The following SLC26A9 variants were observed in gnomAD, a reference collection of about 807,000 sequenced individuals.
The protein encoded by SLC26A9 is solute carrier family 26 member 9, also known as anion transporter/exchanger protein 9.
SLC26A9 carries 46 observed loss-of-function variants against 87.1 expected under a neutral mutation model. That is an observed-to-expected ratio of 0.53 (90% CI 0.42 to 0.67). The LOEUF is 0.67. Among genes scored for constraint, SLC26A9 ranks in the 30% least tolerant of loss-of-function variants. SLC26A9 has a pLI of 0.00. For missense variants in SLC26A9, 927 were observed against 1,018.3 expected (o/e 0.91, Z 1.22); for synonymous variants, 437 against 409.1 (o/e 1.07, Z -0.82).
At position 205,920,296 on chromosome 1, in the gene SLC26A9, T is replaced by G; in HGVS notation, c.2056-66A>C. On this transcript the variant is annotated intron_variant, in intron 17 of 20. Transcript: ENST00000367135. The stretch of plus-strand genomic sequence containing the variant: ...TGTTCTGAGTGGGTCTCAAAAGTGA[T>G]TCACAAAACGTACTTCAGAGGGGAA... The G allele has an allele frequency of 3.1e-6, 5 of 1,597,730 alleles. 1 individual carries two copies. The highest frequency in any genetic ancestry group is 3.3e-4 in the Middle Eastern group (2 of 6,022).
chr1:205,921,999 G>A, intron 16 of SLC26A9, 152 bp from the exon 17 acceptor site: 2 of 1,099,886 alleles, frequency 1.8e-6, no homozygotes, highest in East Asian at 2.6e-5. Flanking sequence ...CACCAGAGAG[G>A]CCTCTCCCAA....
chr1:205,925,031 C>T (rs1264045504), intron 12 of SLC26A9, among the ~76,000 whole-genome samples: 3 of 152,210 alleles, frequency 2.0e-5, no homozygotes, highest in Non-Finnish European at 4.4e-5. Context: ...TGACTTCAAG[C>T]GATCCTCCTG....
At chr1:205,924,548 T>A in intron 12 of SLC26A9, 59 bp from the exon 13 acceptor site, 7 of 1,491,040 alleles carry the variant, frequency 4.7e-6, no homozygotes, top group African/African-American at 1.4e-5. Flanking sequence ...TTTCAGGAAG[T>A]CTTCCTGGAT....
chr1:205,916,280 AG>A (rs1202310305), intron 20 of SLC26A9, among the ~76,000 whole-genome samples: 2 of 152,166 alleles, frequency 1.3e-5, no homozygotes, highest in African/African-American at 2.4e-5. Flanking sequence ...TGCTTTTAGT[AG>A]AGACGGGGTT....
At chr1:205,939,554 G>A (rs1659652303) in intron 1 of SLC26A9, among the ~76,000 whole-genome samples, 1 of 152,156 alleles carries the variant, frequency 6.6e-6, no homozygotes, top group African/African-American at 2.4e-5. Context: ...GGGTTGAGGT[G>A]GGGTGGGACG....
intron 7 of SLC26A9, 70 bp from the exon 8 acceptor site, chr1:205,928,979 C>A: frequency 6.4e-7 from 1 of 1,570,750 alleles, no homozygotes; most frequent in Admixed American, 1.7e-5. Flanking sequence ...TCTCTCAAGT[C>A]TCCCTTTTCT....
At chr1:205,918,740 T>C in intron 19 of SLC26A9, 100 bp downstream of exon 19, 2 of 1,428,916 alleles carry the variant, frequency 1.4e-6, no homozygotes, top group Non-Finnish European at 1.9e-6. Context: ...GACTTGATAT[T>C]GGAACTTAAA....
chr1:205,930,265 C>A, intron 5 of SLC26A9: 1 of 419,670 alleles, frequency 2.4e-6, no homozygotes, highest in East Asian at 3.5e-5. Flanking sequence ...AGAGCATGGG[C>A]CTTTCTGTCA....
Position 205,923,172 on chromosome 1 carries a change from T to C in SLC26A9, c.1683A>G (p.Val561=). Reference sequence around the variant, plus strand: ...TGAGGTATTTTTGCTTGGCTAGTAATACTTTCTGGGGGTCCATGCCTGTCT... The same window carrying C: ...TGAGGTATTTTTGCTTGGCTAGTAACACTTTCTGGGGGTCCATGCCTGTCT... The part of the protein sequence containing the change: ...IAKTGMDPQK[V]LLAKQKYLKK... The change falls in exon 16 of 21, where the codon GTA becomes GTG. Residue 561 remains valine (V), a synonymous_variant. Transcript: ENST00000367135. The C allele has an allele frequency of 6.8e-6, 11 of 1,614,148 alleles. No individual in the cohort carries two copies. The highest frequency in any genetic ancestry group is 9.3e-6 in the Non-Finnish European group (11 of 1,180,032).
intron 1 of SLC26A9, among the ~76,000 whole-genome samples, chr1:205,937,273 A>C (rs1291470091): frequency 6.6e-6 from 1 of 151,830 alleles, no homozygotes; most frequent in Non-Finnish European, 1.5e-5. Context: ...GAATGAACCT[A>C]CCCCCAGCGC....
chr1:205,929,852 G>T, intron 6 of SLC26A9, 40 bp downstream of exon 6: 1 of 1,553,518 alleles, frequency 6.4e-7, no homozygotes, highest in Non-Finnish European at 8.8e-7. Flanking sequence ...GTGTCTGCTG[G>T]AGCCTTGCTC....
chr1:205,934,848 G>C (rs1239697752), intron 2 of SLC26A9, among the ~76,000 whole-genome samples: 1 of 152,210 alleles, frequency 6.6e-6, no homozygotes, highest in African/African-American at 2.4e-5. Context: ...AAGAGAAACA[G>C]GGCTGGGCTG....
Position 205,919,136 on chromosome 1 carries a change from T to C in SLC26A9, c.2111-151A>G, listed in dbSNP as rs1358941550. On this transcript the variant is annotated intron_variant, in intron 18 of 20. Transcript: ENST00000367135. ...GAGGGCCATGGCATTGGCAGTGCAATATCAGTTTTGGACGGCAGAGGGCAA... is the reference window on the plus strand; with the variant it reads ...GAGGGCCATGGCATTGGCAGTGCAACATCAGTTTTGGACGGCAGAGGGCAA... 9 of 961,522 alleles carry C rather than the reference T, an allele frequency of 9.4e-6. No homozygotes were observed. In the East Asian group the frequency reaches 1.2e-4, roughly 13 times the overall value. The allele number at this position is 961,522 out of a possible 1,614,324, so 59.6% of individuals were successfully genotyped here.
chr1:205,928,881 C>A lies in SLC26A9; in HGVS notation c.899G>T (p.Gly300Val), dbSNP rs779688409. 6.2e-6 allele frequency: 10 copies of A among 1,614,070 alleles called. No individual in the cohort carries two copies. The highest frequency in any genetic ancestry group is 8.5e-6 in the Non-Finnish European group (10 of 1,180,004). The stretch of plus-strand genomic sequence containing the variant: ...GTGATACTTTTTGGGCATCTTACAG[C>A]CCCCGGAGATAGCTGTTGCCACCAC... Reference protein sequence around the residue: ...VVVVATAISGGCKMPKKYHMQ... With the variant: ...VVVVATAISGVCKMPKKYHMQ... Residue 300 changes from glycine to valine, a missense_variant, in exon 8 of 21, where the codon GGC becomes GTC. By Grantham distance (109) the Gly-to-Val change is moderately radical. Transcript: ENST00000367135.
In SLC26A9 at chr1:205,932,937, C is replaced by A; in HGVS notation, c.265+8G>T. On this transcript the variant is annotated splice_region_variant and intron_variant, in intron 3 of 20. Coordinates refer to ENST00000367135, the MANE Select transcript of SLC26A9 (RefSeq NM_052934.4). ...GCAATCCAGGCCTGGCTGAAGGAGC[C>A]CCTTCACCTTGTGGGACCTGGATGG... 1 of 1,613,750 alleles carries A rather than the reference C, an allele frequency of 6.2e-7. No individual in the cohort carries two copies. Among genetic ancestry groups the A allele is most frequent in the Non-Finnish European group, 8.5e-7 (1 of 1,179,870 alleles).
At chr1:205,924,275 C>T (rs1413260547) in intron 13 of SLC26A9, 108 bp downstream of exon 13, 1 of 1,026,072 alleles carries the variant, frequency 9.7e-7, no homozygotes, top group African/African-American at 1.6e-5. Context: ...GTGCCAGGCC[C>T]AGAGGTGGAA....
In SLC26A9 at chr1:205,924,389, G is replaced by A. The variant is rs747554789; in HGVS notation, c.1490C>T (p.Thr497Ile). The part of the protein sequence containing the change: ...AFSVLVVVFQ[T>I]QFRNGYALAQ... ...GGCGGAAGCTATCACTTACAACTGA[G>A]TCTGGAAGACCACGACCAGGACGGA... Residue 497 changes from threonine (T) to isoleucine (I), a missense_variant, in exon 13 of 21, where the codon ACT becomes ATT. Transcript: ENST00000367135. 6.2e-7 allele frequency: 1 copy of A among 1,614,134 alleles called. No individual in the cohort carries two copies. Among genetic ancestry groups the A allele is most frequent in the Non-Finnish European group, 8.5e-7 (1 of 1,180,008 alleles).
chr1:205,930,095 A>G (rs1558126152), intron 5 of SLC26A9, 39 bp from the exon 6 acceptor site: 1 of 1,566,386 alleles, frequency 6.4e-7, no homozygotes. Flanking sequence ...CGGAAGACCA[A>G]TGTGGTTCAG....
chr1:205,932,117 C>T lies in SLC26A9; in HGVS notation c.377-82G>A. On this transcript the variant is annotated intron_variant, in intron 4 of 20. Transcript: ENST00000367135. ...CCAGAAAGGGGCCCAGGAATGCTTC[C>T]CGACCCCAGGGGGATGGATCCCTGC... 5.8e-6 allele frequency: 9 copies of T among 1,546,616 alleles called. No individual in the cohort carries two copies. In the South Asian group the frequency reaches 9.9e-5, roughly 17 times the overall value.
Sources: allele counts gnomAD v4.1 joint callset (sites outside exome capture counted in the v4.1 genomes callset), GRCh38; gene constraint gnomAD v4.1.1; transcripts MANE v1.5; gene names NCBI Gene and HGNC (gene_info 2026-07-23, HGNC 2026-07-21).